TEK: variants seen among roughly 807,000 people sequenced by gnomAD.
TEK encodes angiopoietin-1 receptor.
In TEK, 43 loss-of-function variants were observed where a neutral mutation model predicts 131.8. The ratio of observed to expected loss-of-function variants is 0.33; its 90% CI spans 0.26 to 0.42. TEK has a LOEUF of 0.42. TEK is among the 10% of genes least tolerant of loss of function. TEK has a pLI of 1.00. For synonymous variants in TEK, 580 were observed against 491.6 expected, an observed-to-expected ratio of 1.18 and a Z score of -2.38; for missense variants, 1,162 against 1,384.4, an observed-to-expected ratio of 0.84 and a Z score of 2.55.
chr9:27,228,877 G>T (rs1383291412), intron 22 of TEK, among the ~76,000 whole-genome samples: 6 of 152,074 alleles, frequency 3.9e-5, no homozygotes. Flanking sequence ...AGGAACCCTA[G>T]GGAAGCTGAA....
intron 10 of TEK, among the ~76,000 whole-genome samples, chr9:27,191,580 A>G (rs1364181735): frequency 7.6e-6 from 1 of 130,942 alleles, no homozygotes; most frequent in East Asian, 2.1e-4. Context: ...GAGATAATTA[A>G]GAAAACTATG....
At chr9:27,131,181 C>G (rs1342536679) in intron 1 of TEK, among the ~76,000 whole-genome samples, 1 of 152,094 alleles carries the variant, frequency 6.6e-6, no homozygotes, top group Admixed American at 6.6e-5. Context: ...AGACCAAGAG[C>G]TTTTAAAAAG....
intron 2 of TEK, among the ~76,000 whole-genome samples, chr9:27,166,968 A>G (rs1315356400): frequency 6.6e-6 from 1 of 152,114 alleles, no homozygotes; most frequent in African/African-American, 2.4e-5. Flanking sequence ...AGTTAGATAG[A>G]CTGTTTCTCT....
intron 12 of TEK, among the ~76,000 whole-genome samples, chr9:27,202,168 G>A (rs908563609): frequency 1.3e-5 from 2 of 152,124 alleles, no homozygotes; most frequent in African/African-American, 4.8e-5. Flanking sequence ...CATCCTGCCC[G>A]TGTCCCTGAA....
intron 1 of TEK, 48 bp from the exon 2 acceptor site, chr9:27,157,783 T>A (rs111442541): frequency 6.3e-7 from 1 of 1,598,526 alleles, no homozygotes; most frequent in Non-Finnish European, 8.6e-7. Flanking sequence ...CCCAATGGGG[T>A]CATGTTAATA....
chr9:27,149,238 G>C lies in TEK; in HGVS notation c.53-8593G>C, dbSNP rs138647578. Among the ~76,000 whole-genome samples the C allele has an allele frequency of 1.8e-3, 269 of 152,286 alleles. 2 individuals are homozygous for C. The highest frequency in any genetic ancestry group is 6.4e-3 in the African/African-American group (266 of 41,556). ...ACTTTTAGATGGTGTTTAGACTAAA[G>C]CATGGTAGGTAGTAATGGAACTTAT... On this transcript the variant is annotated intron_variant, in intron 1 of 22. Coordinates refer to ENST00000380036, the MANE Select transcript of TEK (RefSeq NM_000459.5).
At chr9:27,136,360 G>A (rs563779947) in intron 1 of TEK, among the ~76,000 whole-genome samples, 8 of 152,206 alleles carry the variant, frequency 5.3e-5, no homozygotes, top group South Asian at 4.2e-4. Context: ...GATTACAGGC[G>A]TGAGCCACTG....
chr9:27,172,480 C>G, intron 4 of TEK, 136 bp from the exon 5 acceptor site: 1 of 1,276,384 alleles, frequency 7.8e-7, no homozygotes, highest in Admixed American at 2.0e-5. Flanking sequence ...AGATGATGAG[C>G]TTTTAGAGAG....
intron 1 of TEK, among the ~76,000 whole-genome samples, chr9:27,156,611 T>C (rs906651835): frequency 6.6e-6 from 1 of 152,046 alleles, no homozygotes; most frequent in Admixed American, 6.6e-5. Flanking sequence ...CAGTGAGCAT[T>C]TGAATCCCAG....
chr9:27,227,134 A>C (rs187944056), intron 21 of TEK, among the ~76,000 whole-genome samples: 1 of 152,298 alleles, frequency 6.6e-6, no homozygotes, highest in Admixed American at 6.5e-5. Flanking sequence ...GTGACACCCT[A>C]AGCCAATGGT....
rs1220320359 is a variant in TEK, at chr9:27,229,360, C to T, written c.*128C>T. ...GTACATATGTGCTGTACACCTGGGA[C>T]CTTCACCACTGTAGATCCCATGCAT... is the stretch of plus-strand genomic sequence containing the variant. On this transcript the variant is annotated 3_prime_UTR_variant, in exon 23 of 23. Transcript: ENST00000380036. 3.5e-6 allele frequency: 3 copies of T among 862,498 alleles called. No individual in the cohort carries two copies. Among genetic ancestry groups the T allele is most frequent in the African/African-American group, 1.7e-5 (1 of 60,398 alleles). 53.4% of individuals were successfully genotyped at this position (862,498 alleles called of 1,614,324 possible).
At chr9:27,184,620 C>A (rs181780520) in intron 8 of TEK, among the ~76,000 whole-genome samples, 21 of 152,154 alleles carry the variant, frequency 1.4e-4, no homozygotes, top group African/African-American at 5.1e-4. Context: ...AAAGTAATGG[C>A]TACTATTTAG....
intron 9 of TEK, among the ~76,000 whole-genome samples, chr9:27,185,913 A>G (rs1824582699): frequency 6.6e-6 from 1 of 152,200 alleles, no homozygotes; most frequent in East Asian, 1.9e-4. Flanking sequence ...GTATTTGCAA[A>G]TGAAGCATAA....
At chr9:27,120,557 C>T (rs971890712) in intron 1 of TEK, among the ~76,000 whole-genome samples, 12 of 152,258 alleles carry the variant, frequency 7.9e-5, no homozygotes, top group Non-Finnish European at 1.3e-4. Context: ...CATTGTCAAG[C>T]TGGCTGCAGC....
At chr9:27,182,013 T>C (rs889473525) in intron 7 of TEK, among the ~76,000 whole-genome samples, 3 of 152,190 alleles carry the variant, frequency 2.0e-5, no homozygotes, top group Non-Finnish European at 4.4e-5. Context: ...TTTCTTCTTT[T>C]GCCAAGCCTG....
chr9:27,139,005 C>G (rs1245974604), intron 1 of TEK, among the ~76,000 whole-genome samples: 1 of 151,934 alleles, frequency 6.6e-6, no homozygotes, highest in African/African-American at 2.4e-5. Flanking sequence ...GTCAGGAGAT[C>G]AAGACCATCC....
chr9:27,197,370 T>C lies in TEK; in HGVS notation c.1680T>C (p.Asn560=), dbSNP rs35357088. 107,403 of 1,614,038 alleles carry C rather than the reference T, an allele frequency of 0.067. 5,227 individuals are homozygous for C. Among genetic ancestry groups the C allele is most frequent in the Admixed American group, 0.23 (14,002 of 60,008 alleles). ...NLLPKSQTTL[N]LTWQPIFPSS... ...TGCCTAAAAGTCAGACCACTCTAAA[T>C]TTGACCTGGCAACCAATATTTCCAA... Residue 560 remains asparagine (N), a synonymous_variant, in exon 12 of 23, where the codon AAT becomes AAC. Transcript: ENST00000380036.
At chr9:27,114,226 G>C (rs1235317788) in intron 1 of TEK, among the ~76,000 whole-genome samples, 2 of 152,230 alleles carry the variant, frequency 1.3e-5, no homozygotes, top group East Asian at 1.9e-4. Context: ...TCACAGCGGA[G>C]CTGAAAGGAA....
intron 14 of TEK, among the ~76,000 whole-genome samples, chr9:27,205,548 G>T (rs1051426168): frequency 1.3e-5 from 2 of 152,054 alleles, no homozygotes; most frequent in African/African-American, 4.8e-5. Context: ...GTATGTGTAA[G>T]AATTGTATAT....
Sources: allele counts gnomAD v4.1 joint callset (sites outside exome capture counted in the v4.1 genomes callset), GRCh38; gene constraint gnomAD v4.1.1; transcripts MANE v1.5; gene names NCBI Gene and HGNC (gene_info 2026-07-23, HGNC 2026-07-21).